The following BCL11A variants were observed in gnomAD, a reference collection of about 807,000 sequenced individuals.
BCL11A encodes B cell CLL/lymphoma 11A.
Under a neutral mutation model 55.9 loss-of-function variants are expected in BCL11A, and 2 were observed. The ratio of observed to expected loss-of-function variants is 0.04; its 90% confidence interval spans 0.01 to 0.11. The LOEUF (loss-of-function observed/expected upper bound fraction) is 0.11, where lower values mean the gene tolerates loss of function less well. BCL11A is among the 10% of genes least tolerant of loss of function. BCL11A has a pLI of 1.00. For missense variants in BCL11A, 817 were observed against 1,137.1 expected (o/e 0.72, Z 4.05); for synonymous variants, 465 against 473.4 (o/e 0.98, Z 0.23).
chr2:60,467,119 G>GAT (rs1676676781), intron 3 of BCL11A, among the ~76,000 whole-genome samples: 2 of 144,042 alleles, frequency 1.4e-5, no homozygotes, highest in Non-Finnish European at 3.1e-5. Context: ...TAGTGGTGGT[G>GAT]GTGGTGGTGA....
intron 2 of BCL11A, among the ~76,000 whole-genome samples, chr2:60,538,739 CTGTGTGTGTG>C (rs777467539): frequency 1.7e-3 from 112 of 67,520 alleles, no homozygotes; most frequent in African/African-American, 3.9e-3. Context: ...CTCTCTCTCT[CTGTGTGTGTG>C]TGTGTGTGTG....
intron 2 of BCL11A, chr2:60,527,414 A>G (rs559663447): frequency 6.6e-6 from 1 of 152,434 alleles, no homozygotes; most frequent in Admixed American, 6.5e-5. Flanking sequence ...GGGTATGTAG[A>G]GACAATGAAG....
chr2:60,530,360 C>T (rs1321015552), intron 2 of BCL11A, among the ~76,000 whole-genome samples: 1 of 149,656 alleles, frequency 6.7e-6, no homozygotes, highest in African/African-American at 2.5e-5. Context: ...AGAGTTTCCA[C>T]TGATTTCTTA....
chr2:60,550,932 G>A lies in BCL11A; in HGVS notation c.55+2284C>T, dbSNP rs539837430. The A allele has an allele frequency of 2.1e-4, 64 of 305,404 alleles. No individual in the cohort carries two copies. In the East Asian group the frequency reaches 2.8e-3, roughly 13 times the overall value. 18.9% of individuals were successfully genotyped at this position (305,404 alleles called of 1,614,324 possible). On this transcript the variant is annotated intron_variant, in intron 1 of 3. Transcript: ENST00000642384. ...TGATCCGCATCCGGCGCGGCCGGGG[G>A]AGTTGGGGGCGGGGGAGAGCGGCGA...
At chr2:60,470,057 C>A (rs1216717608) in intron 2 of BCL11A, among the ~76,000 whole-genome samples, 2 of 152,256 alleles carry the variant, frequency 1.3e-5, no homozygotes, top group East Asian at 3.9e-4. Context: ...CACTGCCAAG[C>A]ACAGCCAAGG....
chr2:60,471,689 G>C (rs1046451327), intron 2 of BCL11A, among the ~76,000 whole-genome samples: 1 of 152,188 alleles, frequency 6.6e-6, no homozygotes, highest in Admixed American at 6.5e-5. Context: ...TCCCCAGCCA[G>C]AGATGGGCTC....
rs1679152297 is a variant in BCL11A at position 60,499,430 on chromosome 2, C to CA, written c.386-30598dup. ...TCTAAGTGATATTTCTTCCCAGGGG[C>CA]AAAAAAGGAAATTAGCCCCATTTTA... is the stretch of plus-strand genomic sequence containing the variant. On this transcript the variant is annotated intron_variant, in intron 2 of 3. Transcript: ENST00000642384. Among the ~76,000 whole-genome samples the CA allele has an allele frequency of 2.0e-5, 3 of 152,090 alleles. No individual in the cohort carries two copies. The South Asian group carries it at 6.2e-4, about 32-fold the overall frequency.
downstream of BCL11A, among the ~76,000 whole-genome samples, chr2:60,456,916 G>A (rs1386292896): frequency 6.6e-6 from 1 of 152,130 alleles, no homozygotes; most frequent in Non-Finnish European, 1.5e-5. Flanking sequence ...ATGGATTTCT[G>A]CTAAGAGATG....
rs940409720 is a variant in BCL11A at position 60,459,265 on chromosome 2, G to A, written c.*1139C>T. The A allele has an allele frequency of 1.7e-5, 17 of 1,017,508 alleles. No individual in the cohort carries two copies. In the African/African-American group the frequency reaches 2.6e-4, roughly 15 times the overall value. 63.0% of individuals were successfully genotyped at this position (1,017,508 alleles called of 1,614,324 possible). On this transcript the variant is annotated 3_prime_UTR_variant, in exon 4 of 4. Coordinates refer to ENST00000642384, the MANE Select transcript of BCL11A (RefSeq NM_022893.4). The stretch of plus-strand genomic sequence containing the variant: ...AAGTAGATCTGGATCTATTTCTTTT[G>A]GTGCCAGTATTTTTAAAAAGACATT...
At chr2:60,478,766 G>A (rs933649376) in intron 2 of BCL11A, among the ~76,000 whole-genome samples, 5 of 152,210 alleles carry the variant, frequency 3.3e-5, no homozygotes, top group East Asian at 3.9e-4. Context: ...CTGGTGCTGC[G>A]AGGCCAGGCC....
At chr2:60,451,295 GGCCTGTATGTGAATCTACA>G (rs1429936339) in exon 5 of BCL11A, 25 of 226,854 alleles carry the variant, frequency 1.1e-4, no homozygotes, top group African/African-American at 5.1e-4. Flanking sequence ...TTAGGTTCAC[GGCCTGTATGTGAATCTACA>G]GCACACAGGT....
chr2:60,494,821 A>T (rs1157787868), intron 2 of BCL11A, among the ~76,000 whole-genome samples: 1 of 152,236 alleles, frequency 6.6e-6, no homozygotes, highest in Non-Finnish European at 1.5e-5. Flanking sequence ...CTCAGCAGAA[A>T]CAAAGTTATC....
At position 60,480,707 on chromosome 2, in the gene BCL11A, AT is replaced by A. The variant is rs1284140585; in HGVS notation, c.386-11875del. Among the ~76,000 whole-genome samples the A allele has an allele frequency of 2.0e-5, 3 of 152,192 alleles. No individual in the cohort carries two copies. In the South Asian group the frequency reaches 6.2e-4, roughly 32 times the overall value. On this transcript the variant is annotated intron_variant, in intron 2 of 3. Transcript: ENST00000642384. Reference sequence around the variant, plus strand: ...TCATTCACTTTCCAAATGCTGTGTAATTACACAGTTAAAAGAGCTACAGCGG... The same window carrying A: ...TCATTCACTTTCCAAATGCTGTGTAATACACAGTTAAAAGAGCTACAGCGG...
intron 2 of BCL11A, among the ~76,000 whole-genome samples, chr2:60,529,962 T>G (rs1669373574): frequency 6.6e-6 from 1 of 152,172 alleles, no homozygotes; most frequent in Non-Finnish European, 1.5e-5. Context: ...ACAGGGAAAT[T>G]CAATTACTTC....
At chr2:60,530,720 T>G (rs1669413891) in intron 2 of BCL11A, among the ~76,000 whole-genome samples, 1 of 149,460 alleles carries the variant, frequency 6.7e-6, no homozygotes, top group South Asian at 2.1e-4. Context: ...CTGAAAAGGC[T>G]TGGCTGCACT....
chr2:60,550,733 A>C, intron 1 of BCL11A: 1 of 397,950 alleles, frequency 2.5e-6, no homozygotes, highest in Non-Finnish European at 4.4e-6. Flanking sequence ...AGATGGACCC[A>C]GGAGGGAGAG....
At chr2:60,514,622 C>T (rs186255797) in intron 2 of BCL11A, among the ~76,000 whole-genome samples, 203 of 149,646 alleles carry the variant, frequency 1.4e-3, no homozygotes, top group African/African-American at 4.5e-3. Flanking sequence ...GAGCCGAGAT[C>T]GTAGCACTGC....
At chr2:60,467,110 A>ATGGTGGTGTTGGTGGTGATGGTG (rs1676670407) in intron 3 of BCL11A, among the ~76,000 whole-genome samples, 1 of 72,468 alleles carries the variant, frequency 1.4e-5, no homozygotes, top group Non-Finnish European at 3.0e-5. Context: ...TGGTGGTGGT[A>ATGGTGGTGTTGGTGGTGATGGTG]GTGGTGGTGG....
At chr2:60,540,364 T>C (rs989460079) in intron 2 of BCL11A, among the ~76,000 whole-genome samples, 2 of 152,240 alleles carry the variant, frequency 1.3e-5, no homozygotes, top group African/African-American at 2.4e-5. Flanking sequence ...TCAAATGACT[T>C]CTTTGTGCAA....
Sources: gnomAD v4.1 joint callset for allele counts (sites outside exome capture counted in the v4.1 genomes callset) on GRCh38, gnomAD v4.1.1 for gene constraint, MANE v1.5 for transcripts, NCBI Gene and HGNC (gene_info 2026-07-23, HGNC 2026-07-21) for gene names.